NFIA: variants seen among roughly 807,000 people sequenced by gnomAD.
NFIA encodes nuclear factor I A.
In NFIA, 8 loss-of-function variants were observed where a neutral mutation model predicts 62.8. The observed-to-expected ratio is 0.13, with a 90% CI of 0.07 to 0.23. The LOEUF (loss-of-function observed/expected upper bound fraction) is 0.23, where lower values mean the gene tolerates loss of function less well. Ranked by LOEUF, NFIA falls within the 10% of genes least tolerant of loss-of-function variation. The pLI is 1.00. For missense variants in NFIA, 410 were observed against 642.1 expected (o/e 0.64, Z 3.91); for synonymous variants, 235 against 238.1 (o/e 0.99, Z 0.12).
intron 2 of NFIA, chr1:61,124,935 A>G (rs1292685536): frequency 1.3e-5 from 2 of 152,232 alleles, no homozygotes; most frequent in South Asian, 2.1e-4. Context: ...TGAAATGACA[A>G]GAGAGCCCAG....
chr1:61,368,048 C>T (rs915809485), intron 6 of NFIA, among the ~76,000 whole-genome samples: 2 of 152,192 alleles, frequency 1.3e-5, no homozygotes, highest in South Asian at 2.1e-4. Flanking sequence ...CCGCTTGCAT[C>T]GGAGAACCCA....
rs201206432 is a variant in NFIA, at chr1:61,441,294, T to G, written c.1513-14009T>G. ...ACTTTCATAGACTGCCGTGCAGGGG[T>G]GTGTGTGTGTGTGTGTGTGTGTGTG... is the stretch of plus-strand genomic sequence containing the variant. On this transcript the variant is annotated intron_variant, in intron 10 of 10. Coordinates refer to ENST00000403491, the MANE Select transcript of NFIA (RefSeq NM_001134673.4). 1.3e-3 allele frequency among the ~76,000 whole-genome samples: 69 copies of G among 53,964 alleles called. 1 individual carries two copies. Among genetic ancestry groups the G allele is most frequent in the Non-Finnish European group, 1.0e-3 (23 of 22,936 alleles). The allele number at this position is 53,964 out of a possible 152,430, so 35.4% of individuals were successfully genotyped here. A position where few individuals can be genotyped will look rare whatever the true frequency, so the allele number is the denominator to read the frequency against.
At chr1:61,374,933 A>G (rs1468979413) in intron 6 of NFIA, among the ~76,000 whole-genome samples, 1 of 152,240 alleles carries the variant, frequency 6.6e-6, no homozygotes, top group Non-Finnish European at 1.5e-5. Flanking sequence ...AAAAAATTAT[A>G]TTAGAATGAA....
intron 2 of NFIA, among the ~76,000 whole-genome samples, chr1:61,275,551 G>A (rs1254279234): frequency 6.6e-6 from 1 of 152,086 alleles, no homozygotes; most frequent in East Asian, 1.9e-4. Flanking sequence ...ACACATAGAA[G>A]TAGTACATGG....
chr1:61,406,547 C>CG lies in NFIA; in HGVS notation c.1255-15_1255-14insG, dbSNP rs772867079. ...TTTCTTGTACGTGTGTTTTCTGCCCCCCCCCCCCCCACAGCCCAATGGGAG... is the reference window on the plus strand; with the variant it reads ...TTTCTTGTACGTGTGTTTTCTGCCCCGCCCCCCCCCCACAGCCCAATGGGAG... On this transcript the variant is annotated splice_polypyrimidine_tract_variant and intron_variant, in intron 8 of 10. Transcript: ENST00000403491. The CG allele has an allele frequency of 1.5e-5, 12 of 799,926 alleles. No individual in the cohort carries two copies. The highest frequency in any genetic ancestry group is 7.7e-5 in the South Asian group (4 of 51,884). The allele number at this position is 799,926 out of a possible 1,614,324, so 49.6% of individuals were successfully genotyped here.
intron 2 of NFIA, among the ~76,000 whole-genome samples, chr1:61,268,012 C>T (rs1293768389): frequency 6.6e-6 from 1 of 152,096 alleles, no homozygotes; most frequent in Non-Finnish European, 1.5e-5. Context: ...TATCATTTCC[C>T]CTTTGGGTAG....
At chr1:61,190,756 C>G (rs1339645854) in intron 2 of NFIA, among the ~76,000 whole-genome samples, 2 of 152,210 alleles carry the variant, frequency 1.3e-5, no homozygotes, top group African/African-American at 2.4e-5. Flanking sequence ...TACATTCACT[C>G]TAGACCATAT....
intron 2 of NFIA, among the ~76,000 whole-genome samples, chr1:61,275,572 A>T (rs565436678): frequency 6.6e-6 from 1 of 152,290 alleles, no homozygotes; most frequent in African/African-American, 2.4e-5. Context: ...ATAGAGATGT[A>T]TGTTTGCTAG....
intron 4 of NFIA, among the ~76,000 whole-genome samples, chr1:61,335,892 G>C (rs1661578922): frequency 6.6e-6 from 1 of 152,000 alleles, no homozygotes; most frequent in African/African-American, 2.4e-5. Context: ...TTAAACACAT[G>C]ATGTTAGCCC....
intron 5 of NFIA, among the ~76,000 whole-genome samples, chr1:61,355,665 C>T (rs995116107): frequency 4.6e-5 from 7 of 152,004 alleles, no homozygotes; most frequent in East Asian, 1.9e-4. Flanking sequence ...ACTGCAACCT[C>T]GAAGTCCCGA....
At chr1:61,305,053 T>TA (rs1659691400) in intron 3 of NFIA, among the ~76,000 whole-genome samples, 1 of 152,212 alleles carries the variant, frequency 6.6e-6, no homozygotes, top group Admixed American at 6.5e-5. Context: ...CCAAAATTCT[T>TA]ACTGTATACA....
rs1668493424 is a variant in NFIA at position 61,460,699 on chromosome 1, A to G, written c.*5379A>G. On this transcript the variant is annotated 3_prime_UTR_variant, in exon 11 of 11. Coordinates refer to ENST00000403491, the MANE Select transcript of NFIA (RefSeq NM_001134673.4). ...AAAATGTAGTGCCTGTGAAATCTGT[A>G]TTATATTGCTCTTCTGAAGTAAGAT... 1 of 152,226 alleles carries G rather than the reference A, an allele frequency of 6.6e-6. No individual in the cohort carries two copies. The highest frequency in any genetic ancestry group is 1.5e-5 in the Non-Finnish European group (1 of 68,038). The allele number at this position is 152,226 out of a possible 1,614,324, so 9.4% of individuals were successfully genotyped here. A position where few individuals can be genotyped will look rare whatever the true frequency, so the allele number is the denominator to read the frequency against.
chr1:61,328,186 A>G (rs1211793475), intron 3 of NFIA, among the ~76,000 whole-genome samples: 2 of 151,208 alleles, frequency 1.3e-5, no homozygotes, highest in Non-Finnish European at 2.9e-5. Context: ...TTTCTTGTAA[A>G]CTTTCTGATA....
chr1:61,436,397 C>T lies in NFIA; in HGVS notation c.1512+9841C>T, dbSNP rs116430645. ...GTTCTCGCTGTCCACAAAGTCCTTG[C>T]TTGTGAAAATCCTATGCCCAAGAAA... On this transcript the variant is annotated intron_variant, in intron 10 of 10. Coordinates refer to ENST00000403491, the MANE Select transcript of NFIA (RefSeq NM_001134673.4). 4.2e-3 allele frequency among the ~76,000 whole-genome samples: 645 copies of T among 152,260 alleles called. 3 individuals are homozygous for T. The highest frequency in any genetic ancestry group is 0.014 in the African/African-American group (593 of 41,542).
rs573829564 is a variant in NFIA, at chr1:61,164,566, TCTC to T, written c.559+75889_559+75891del. 3.7e-4 allele frequency among the ~76,000 whole-genome samples: 56 copies of T among 152,208 alleles called. No homozygotes were observed. The South Asian group carries it at 0.011, about 31-fold the overall frequency. On this transcript the variant is annotated intron_variant, in intron 2 of 10. Coordinates refer to ENST00000403491, the MANE Select transcript of NFIA (RefSeq NM_001134673.4). ...GCTCTGCTTCCTGGGTTCACGCCAT[TCTC>T]CTGCCTCAGCCTCCCGAGTAGCTGG...
chr1:61,132,959 G>T (rs936759192), intron 2 of NFIA: 3 of 152,018 alleles, frequency 2.0e-5, no homozygotes, highest in Non-Finnish European at 4.4e-5. Context: ...CCCCCACCCA[G>T]GCTTTTTAAG....
At chr1:61,151,710 C>T (rs931284659) in intron 2 of NFIA, among the ~76,000 whole-genome samples, 4 of 152,094 alleles carry the variant, frequency 2.6e-5, no homozygotes, top group Non-Finnish European at 5.9e-5. Flanking sequence ...CTGCTTTGAC[C>T]GAGAGACACA....
intron 2 of NFIA, among the ~76,000 whole-genome samples, chr1:61,139,612 GTCTCGAT>G (rs895381443): frequency 1.2e-4 from 18 of 152,194 alleles, no homozygotes; most frequent in African/African-American, 4.3e-4. Context: ...ATTCTCTCTT[GTCTCGAT>G]TCTGAGTCAC....
chr1:61,276,083 G>A (rs1041757276), intron 2 of NFIA, among the ~76,000 whole-genome samples: 2 of 152,034 alleles, frequency 1.3e-5, no homozygotes, highest in Non-Finnish European at 2.9e-5. Flanking sequence ...CACTTTGCCA[G>A]ACTCAAATAA....
Sources: allele counts gnomAD v4.1 joint callset (sites outside exome capture counted in the v4.1 genomes callset), GRCh38; gene constraint gnomAD v4.1.1; transcripts MANE v1.5; gene names NCBI Gene and HGNC (gene_info 2026-07-23, HGNC 2026-07-21).